Variants in GABPA observed in about 807,000 individuals in gnomAD.
GABPA encodes the protein GA binding protein transcription factor subunit alpha.
GABPA carries 4 observed loss-of-function variants against 59.4 expected under a neutral mutation model. The observed-to-expected ratio is 0.07, with a 90% CI of 0.03 to 0.15. GABPA has a LOEUF of 0.15. Among genes scored for constraint, GABPA ranks in the 10% least tolerant of loss-of-function variants. The pLI is 1.00. For synonymous variants in GABPA, 164 were observed against 183.1 expected (o/e 0.90, Z 0.84); for missense variants, 251 against 543.8 (o/e 0.46, Z 5.36).
At chr21:25,755,308 G>A (rs1455897484) in intron 5 of GABPA, among the ~76,000 whole-genome samples, 1 of 151,894 alleles carries the variant, frequency 6.6e-6, no homozygotes, top group African/African-American at 2.4e-5. Flanking sequence ...AGCTGGGCAT[G>A]GTGGCATACA....
chr21:25,768,930 T>C, intron 9 of GABPA, 74 bp from the exon 10 acceptor site: 1 of 960,104 alleles, frequency 1.0e-6, no homozygotes, highest in Non-Finnish European at 1.6e-6. Flanking sequence ...CTTCTGCTTA[T>C]GGAATAGTCT....
chr21:25,769,793 G>C lies in GABPA; in HGVS notation c.*561G>C, dbSNP rs2035973698. On this transcript the variant is annotated 3_prime_UTR_variant, in exon 10 of 10. Transcript: ENST00000400075. ...AGAGTATCAGGTTATTTATATATTT[G>C]CAAGCAAAGGACAGTAAGAAGTTGA... 1.3e-5 allele frequency: 2 copies of C among 152,616 alleles called. No individual in the cohort carries two copies. Among genetic ancestry groups the C allele is most frequent in the South Asian group, 4.1e-4 (2 of 4,822 alleles). 9.5% of individuals were successfully genotyped at this position (152,616 alleles called of 1,614,324 possible).
At chr21:25,747,954 TTGC>T (rs1396943905) in intron 3 of GABPA, among the ~76,000 whole-genome samples, 1 of 152,204 alleles carries the variant, frequency 6.6e-6, no homozygotes, top group Non-Finnish European at 1.5e-5. Context: ...TCTTGCTGTA[TTGC>T]CCAGACTGAG....
chr21:25,768,633 CA>C (rs1174997935), intron 9 of GABPA, among the ~76,000 whole-genome samples: 1 of 152,042 alleles, frequency 6.6e-6, no homozygotes, highest in East Asian at 1.9e-4. Context: ...CCTGTGGTCT[CA>C]AAAATGTTAG....
At chr21:25,768,318 G>A (rs1343255959) in intron 9 of GABPA, among the ~76,000 whole-genome samples, 2 of 151,630 alleles carry the variant, frequency 1.3e-5, no homozygotes, top group East Asian at 3.9e-4. Flanking sequence ...CTCCCTATTG[G>A]GCTTGGATAA....
In GABPA at chr21:25,761,003, G is replaced by T. The variant is rs527510842; in HGVS notation, c.749-1309G>T. Reference sequence around the variant, plus strand: ...TGTGCTGTGTGATGGTGATGCTTTCGTTTGCCTCTTTTGAGGCTAGGTTCC... The same window carrying T: ...TGTGCTGTGTGATGGTGATGCTTTCTTTTGCCTCTTTTGAGGCTAGGTTCC... On this transcript the variant is annotated intron_variant, in intron 6 of 9. Transcript: ENST00000400075. Among the ~76,000 whole-genome samples, 3 of 152,146 alleles carry T rather than the reference G, an allele frequency of 2.0e-5. No individual in the cohort carries two copies. The South Asian group carries it at 6.2e-4, about 32-fold the overall frequency.
intron 1 of GABPA, among the ~76,000 whole-genome samples, chr21:25,738,935 A>T (rs1264746930): frequency 6.6e-6 from 1 of 151,944 alleles, no homozygotes; most frequent in African/African-American, 2.4e-5. Flanking sequence ...AAAAAAAAAA[A>T]CCAAAAACAG....
chr21:25,756,637 G>T (rs1025820097), intron 5 of GABPA, among the ~76,000 whole-genome samples: 2 of 152,186 alleles, frequency 1.3e-5, no homozygotes, highest in African/African-American at 4.8e-5. Context: ...ATCAGAGTGG[G>T]TCACACTTCC....
chr21:25,762,953 CT>C, intron 7 of GABPA: 1 of 370,400 alleles, frequency 2.7e-6, no homozygotes, highest in Non-Finnish European at 5.2e-6. Flanking sequence ...AGGGCAAACC[CT>C]TCGCCGCCTC....
At chr21:25,739,805 A>G (rs1209578780) in intron 1 of GABPA, among the ~76,000 whole-genome samples, 1 of 152,144 alleles carries the variant, frequency 6.6e-6, no homozygotes, top group Non-Finnish European at 1.5e-5. Context: ...TTTATAGGAG[A>G]CAGGTTCTTT....
chr21:25,749,192 G>T, intron 4 of GABPA, 72 bp downstream of exon 4: 1 of 912,496 alleles, frequency 1.1e-6, no homozygotes, highest in South Asian at 1.5e-5. Flanking sequence ...TAAGTTTTTA[G>T]GTGTTTTCGA....
chr21:25,759,928 C>G (rs2035726948), intron 6 of GABPA, among the ~76,000 whole-genome samples: 1 of 152,198 alleles, frequency 6.6e-6, no homozygotes, highest in Non-Finnish European at 1.5e-5. Flanking sequence ...TTGTGGCTGT[C>G]TCTTTCTGGT....
chr21:25,766,996 C>T (rs563097901), intron 9 of GABPA, among the ~76,000 whole-genome samples: 9 of 152,034 alleles, frequency 5.9e-5, no homozygotes, highest in Non-Finnish European at 1.2e-4. Context: ...ACATAATGTT[C>T]AGTGACAGAA....
chr21:25,766,295 A>G (rs2035888407), intron 9 of GABPA, among the ~76,000 whole-genome samples: 1 of 152,024 alleles, frequency 6.6e-6, no homozygotes, highest in African/African-American at 2.4e-5. Context: ...TTGTAGCTCT[A>G]CATGTAAAAA....
At chr21:25,739,918 C>G (rs1441047182) in intron 1 of GABPA, among the ~76,000 whole-genome samples, 2 of 152,168 alleles carry the variant, frequency 1.3e-5, no homozygotes, top group African/African-American at 4.8e-5. Context: ...GTATCTGGCC[C>G]TAGCTGCGTT....
chr21:25,756,559 C>T (rs909784460), intron 5 of GABPA, among the ~76,000 whole-genome samples: 1 of 152,186 alleles, frequency 6.6e-6, no homozygotes, highest in Non-Finnish European at 1.5e-5. Context: ...TGCTTTTTAG[C>T]GTTGCTTTCA....
chr21:25,749,022 T>C lies in GABPA; in HGVS notation c.223-14T>C. ...TTGCACTGAAATAATCTTACTCATT[T>C]TATCCATGGTTAGCTGGATCCAGAA... On this transcript the variant is annotated splice_polypyrimidine_tract_variant and intron_variant, in intron 3 of 9. Coordinates refer to ENST00000400075, the MANE Select transcript of GABPA (RefSeq NM_002040.4). The C allele has an allele frequency of 6.5e-7, 1 of 1,547,042 alleles. No homozygotes were observed. The highest frequency in any genetic ancestry group is 1.1e-5 in the South Asian group (1 of 89,584).
intron 2 of GABPA, among the ~76,000 whole-genome samples, chr21:25,744,342 A>G (rs1336287837): frequency 6.6e-6 from 1 of 152,158 alleles, no homozygotes; most frequent in African/African-American, 2.4e-5. Flanking sequence ...TAAAATATAA[A>G]TAAATATTTT....
chr21:25,737,551 TAAATTTTTTGA>T (rs2123481779), intron 1 of GABPA, among the ~76,000 whole-genome samples: 1 of 152,344 alleles, frequency 6.6e-6, no homozygotes, highest in South Asian at 2.1e-4. Flanking sequence ...GATTGGTCTA[TAAATTTTTTGA>T]AAGATCATAG....
Sources: allele counts gnomAD v4.1 joint callset (sites outside exome capture counted in the v4.1 genomes callset), GRCh38; gene constraint gnomAD v4.1.1; transcripts MANE v1.5; gene names NCBI Gene and HGNC (gene_info 2026-07-23, HGNC 2026-07-21).